The following EFCC1 variants were observed in gnomAD, a reference collection of about 807,000 sequenced individuals.
EFCC1 encodes the protein EF-hand and coiled-coil domain-containing protein 1.
In EFCC1, 50 loss-of-function variants were observed where a neutral mutation model predicts 52.1. The ratio of observed to expected loss-of-function variants is 0.96; its 90% CI spans 0.76 to 1.21. The LOEUF (loss-of-function observed/expected upper bound fraction) is 1.21. Ranked by LOEUF, EFCC1 falls within the 50% of genes most tolerant of loss-of-function variation. EFCC1 has a pLI of 0.00. For synonymous variants in EFCC1, 399 were observed against 396.5 expected, an observed-to-expected ratio of 1.01 and a Z score of -0.08; for missense variants, 837 against 867.3, an observed-to-expected ratio of 0.97 and a Z score of 0.44.
At chr3:129,026,691 T>C (rs140458799) in intron 2 of EFCC1, among the ~76,000 whole-genome samples, 1 of 152,264 alleles carries the variant, frequency 6.6e-6, no homozygotes, top group East Asian at 1.9e-4. Flanking sequence ...CCTTATTCCC[T>C]TGTGTCTTTT....
Position 129,040,066 on chromosome 3 carries a change from C to A in EFCC1, c.*218C>A. 2.0e-6 allele frequency: 1 copy of A among 507,490 alleles called. No individual in the cohort carries two copies. 31.4% of individuals were successfully genotyped at this position (507,490 alleles called of 1,614,324 possible). On this transcript the variant is annotated 3_prime_UTR_variant, in exon 8 of 8. Coordinates refer to ENST00000683648, the MANE Select transcript of EFCC1 (RefSeq NM_001377500.1). The surrounding 1 kb of genome is among the most constrained non-coding windows in gnomAD (Gnocchi z 4.4). ...CGGGCTCCTCCACATTACCTCGCAG[C>A]CCCTGCATTCCTGCCACCAGAGTCC...
Position 129,001,900 on chromosome 3 carries a change from A to G in EFCC1, c.272A>G (p.Glu91Gly). Residue 91 changes from glutamate to glycine, a missense_variant, in exon 1 of 8, where the codon GAG becomes GGG. Coordinates refer to ENST00000683648, the MANE Select transcript of EFCC1 (RefSeq NM_001377500.1). ...ALCAVLGLRA[E>G]GATTAGQAAG... ...TGCGCTGTGCTGGGGCTGCGCGCGG[A>G]GGGGGCCACCACGGCCGGGCAGGCA... 1 of 1,537,984 alleles carries G rather than the reference A, an allele frequency of 6.5e-7. No homozygotes were observed. Among genetic ancestry groups the G allele is most frequent in the African/African-American group, 1.4e-5 (1 of 71,650 alleles).
At chr3:129,038,978 A>G (rs1283738277) in intron 7 of EFCC1, 78 bp downstream of exon 7, 29 of 1,217,052 alleles carry the variant, frequency 2.4e-5, no homozygotes, top group Non-Finnish European at 3.5e-5. Context: ...AGTGTGCTTC[A>G]TGCTTAGCAT....
At chr3:129,003,577 G>A (rs1283004599) in intron 1 of EFCC1, among the ~76,000 whole-genome samples, 9 of 152,022 alleles carry the variant, frequency 5.9e-5, no homozygotes, top group African/African-American at 2.2e-4. Flanking sequence ...GGGGGATGAG[G>A]AGGAATCAGA....
chr3:129,001,613 G>GGC lies in EFCC1; in HGVS notation c.-10_-9dup. The GGC allele has an allele frequency of 1.5e-6, 2 of 1,355,228 alleles. No homozygotes were observed. Among genetic ancestry groups the GGC allele is most frequent in the South Asian group, 3.6e-5 (2 of 54,872 alleles). The allele number at this position is 1,355,228 out of a possible 1,614,324, so 84.0% of individuals were successfully genotyped here. A position where few individuals can be genotyped will look rare whatever the true frequency, so the allele number is the denominator to read the frequency against. On this transcript the variant is annotated 5_prime_UTR_variant, in exon 1 of 8. Transcript: ENST00000683648. ...ACCGGAGGAGGGACCGGAGGAGCGA[G>GGC]GCGCGCGGCGCAGCGATGGAGCCGG...
At chr3:129,011,677 G>A (rs1206169962) in intron 2 of EFCC1, among the ~76,000 whole-genome samples, 2 of 152,186 alleles carry the variant, frequency 1.3e-5, no homozygotes, top group Non-Finnish European at 2.9e-5. Flanking sequence ...AGGAGGAGCC[G>A]TGGGCTCTCT....
Position 129,014,380 on chromosome 3 carries a change from C to T in EFCC1, c.980+10303C>T, listed in dbSNP as rs186039145. Among the ~76,000 whole-genome samples, 3 of 152,334 alleles carry T rather than the reference C, an allele frequency of 2.0e-5. No individual in the cohort carries two copies. The highest frequency in any genetic ancestry group is 2.0e-4 in the Admixed American group (3 of 15,310). ...ACAGCTGTGGAGGCTGACCAGAGTGCGGTGTCGCAGCGTTGGCTTCTCCTG... is the reference window on the plus strand; with the variant it reads ...ACAGCTGTGGAGGCTGACCAGAGTGTGGTGTCGCAGCGTTGGCTTCTCCTG... On this transcript the variant is annotated intron_variant, in intron 2 of 7. Transcript: ENST00000683648. The surrounding 1 kb of genome is among the most constrained non-coding windows in gnomAD (Gnocchi z 4.3).
intron 4 of EFCC1, among the ~76,000 whole-genome samples, 166 bp downstream of exon 4, chr3:129,033,132 T>G (rs1946306180): frequency 6.6e-6 from 1 of 152,152 alleles, no homozygotes; most frequent in African/African-American, 2.4e-5. Context: ...CCCACCAGCA[T>G]GTAGAGGATG....
At chr3:129,025,371 C>T (rs567699537) in intron 2 of EFCC1, among the ~76,000 whole-genome samples, 3 of 152,206 alleles carry the variant, frequency 2.0e-5, no homozygotes, top group Admixed American at 6.5e-5. Context: ...CCGGAAGCCA[C>T]GGGAAGAGTG....
intron 3 of EFCC1, among the ~76,000 whole-genome samples, chr3:129,032,266 C>G (rs1946287713): frequency 6.6e-6 from 1 of 152,182 alleles, no homozygotes; most frequent in Admixed American, 6.5e-5. Flanking sequence ...CTGGCTTGGC[C>G]TTTCCTGACT....
chr3:129,028,847 T>A (rs558683678), intron 2 of EFCC1, among the ~76,000 whole-genome samples: 1 of 152,250 alleles, frequency 6.6e-6, no homozygotes, highest in South Asian at 2.1e-4. Context: ...TTCACCATGT[T>A]GGCCAGGCTG....
At position 129,001,581 on chromosome 3, in the gene EFCC1, CGAAGGGACCGGA is replaced by C. The variant is rs999506884; in HGVS notation, c.-46_-35del. The C allele has an allele frequency of 1.3e-5, 17 of 1,346,364 alleles. No individual in the cohort carries two copies. The highest frequency in any genetic ancestry group is 1.5e-5 in the Non-Finnish European group (16 of 1,055,124). 83.4% of individuals were successfully genotyped at this position (1,346,364 alleles called of 1,614,324 possible). On this transcript the variant is annotated 5_prime_UTR_variant, in exon 1 of 8. Coordinates refer to ENST00000683648, the MANE Select transcript of EFCC1 (RefSeq NM_001377500.1). ...GGGGCCGCCCCTGGAAGTGGCGGGG[CGAAGGGACCGGA>C]GGAGGGACCGGAGGAGCGAGGCGCG...
chr3:129,002,402 G>C, intron 1 of EFCC1, 78 bp downstream of exon 1: 1 of 1,456,432 alleles, frequency 6.9e-7, no homozygotes, highest in Non-Finnish European at 9.0e-7. Context: ...TGCGGAGCCC[G>C]ACAGGACAGA....
At chr3:129,036,632 A>G (rs1373796902) in intron 5 of EFCC1, among the ~76,000 whole-genome samples, 1 of 152,138 alleles carries the variant, frequency 6.6e-6, no homozygotes, top group Admixed American at 6.5e-5. Flanking sequence ...ACCCTGTCCC[A>G]TTCCTGAGGT....
At chr3:129,033,097 T>A in intron 4 of EFCC1, 131 bp downstream of exon 4, 1 of 1,332,810 alleles carries the variant, frequency 7.5e-7, no homozygotes, top group Non-Finnish European at 9.8e-7. Context: ...TCTGTCCCCT[T>A]GTCCCTCAGG....
intron 2 of EFCC1, among the ~76,000 whole-genome samples, chr3:129,008,814 G>GT (rs1420007611): frequency 6.6e-6 from 1 of 152,150 alleles, no homozygotes; most frequent in Non-Finnish European, 1.5e-5. Context: ...GCCTGCTGAG[G>GT]TGCACAGTCC....
Position 129,004,083 on chromosome 3 carries a change from C to A in EFCC1, c.980+6C>A. ...GCGGAGCTGCAACGCTACAGGTGAG[C>A]GGGGGCGCGTGCCCTGGGCCCAAGT... On this transcript the variant is annotated splice_donor_region_variant and intron_variant, in intron 2 of 7. Transcript: ENST00000683648. 1 of 1,488,622 alleles carries A rather than the reference C, an allele frequency of 6.7e-7. No homozygotes were observed. The highest frequency in any genetic ancestry group is 8.9e-7 in the Non-Finnish European group (1 of 1,125,170). 92.2% of individuals were successfully genotyped at this position (1,488,622 alleles called of 1,614,324 possible).
Position 129,040,261 on chromosome 3 carries a change from C to T in EFCC1, c.*413C>T. 1 of 178,040 alleles carries T rather than the reference C, an allele frequency of 5.6e-6. No homozygotes were observed. Among genetic ancestry groups the T allele is most frequent in the Non-Finnish European group, 1.2e-5 (1 of 85,782 alleles). 11.0% of individuals were successfully genotyped at this position (178,040 alleles called of 1,614,324 possible). A position where few individuals can be genotyped will look rare whatever the true frequency, so the allele number is the denominator to read the frequency against. On this transcript the variant is annotated 3_prime_UTR_variant, in exon 8 of 8. Transcript: ENST00000683648. The surrounding 1 kb of genome is among the most constrained non-coding windows in gnomAD (Gnocchi z 4.4). ...CTGTCTCCTTCCTCCCACTGGCATG[C>T]CTGCTGCAACGGAGACTGGGCCCAA...
In EFCC1 at chr3:129,001,541, C is replaced by A. The variant is rs2107842879; in HGVS notation, c.-88C>A. Reference sequence around the variant, plus strand: ...CCAGACCGCGACCGCTAAGCCCCTCCTTTCGAGAAACTCTGGGGCCGCCCC... The same window carrying A: ...CCAGACCGCGACCGCTAAGCCCCTCATTTCGAGAAACTCTGGGGCCGCCCC... On this transcript the variant is annotated 5_prime_UTR_variant, in exon 1 of 8. Coordinates refer to ENST00000683648, the MANE Select transcript of EFCC1 (RefSeq NM_001377500.1). 2.2e-6 allele frequency: 3 copies of A among 1,342,734 alleles called. No individual in the cohort carries two copies. The highest frequency in any genetic ancestry group is 2.8e-6 in the Non-Finnish European group (3 of 1,053,166). 83.2% of individuals were successfully genotyped at this position (1,342,734 alleles called of 1,614,324 possible).
Sources: allele counts gnomAD v4.1 joint callset (sites outside exome capture counted in the v4.1 genomes callset), GRCh38; gene constraint gnomAD v4.1.1; non-coding constraint Gnocchi (gnomAD v3.1); transcripts MANE v1.5; gene names NCBI Gene and HGNC (gene_info 2026-07-23, HGNC 2026-07-21).